Variants in INPP5A observed in about 807,000 individuals in gnomAD.
The protein encoded by INPP5A is inositol polyphosphate-5-phosphatase A.
Under a neutral mutation model 65.2 loss-of-function variants are expected in INPP5A, and 14 were observed. That is an observed-to-expected ratio of 0.21 (90% confidence interval 0.14 to 0.34). The LOEUF is 0.34. INPP5A is among the 10% of genes least tolerant of loss of function. The pLI is 1.00. For missense variants in INPP5A, 431 were observed against 545.6 expected (o/e 0.79, Z 2.09); for synonymous variants, 207 against 208.3 (o/e 0.99, Z 0.05).
rs1218574978 is a variant in INPP5A at position 132,707,511 on chromosome 10, A to G, written c.475-802A>G. Among the ~76,000 whole-genome samples, 2 of 152,208 alleles carry G rather than the reference A, an allele frequency of 1.3e-5. No homozygotes were observed. The highest frequency in any genetic ancestry group is 1.3e-4 in the Admixed American group (2 of 15,284). On this transcript the variant is annotated intron_variant, in intron 6 of 15. Coordinates refer to ENST00000368594, the MANE Select transcript of INPP5A (RefSeq NM_005539.5). This position sits in a 1 kb window ranked among gnomAD's most constrained non-coding sequence, Gnocchi z 5.5. ...GAAGATAAAATGGAATCTAAAATTC[A>G]GTTCTTCAGTCATACACTTTGCACG...
At chr10:132,774,826 G>T (rs1847018054) in intron 12 of INPP5A, among the ~76,000 whole-genome samples, 1 of 137,642 alleles carries the variant, frequency 7.3e-6, no homozygotes, top group Non-Finnish European at 1.6e-5. Flanking sequence ...GGAGAGAGGG[G>T]CACGGAGGAG....
chr10:132,770,085 G>A (rs529262657), intron 12 of INPP5A, among the ~76,000 whole-genome samples: 1 of 152,324 alleles, frequency 6.6e-6, no homozygotes, highest in African/African-American at 2.4e-5. Flanking sequence ...GCTGGCGAGG[G>A]CGGCGCCTCT....
At chr10:132,573,593 G>A (rs1293030343) in intron 1 of INPP5A, among the ~76,000 whole-genome samples, 3 of 135,662 alleles carry the variant, frequency 2.2e-5, no homozygotes, top group Non-Finnish European at 3.1e-5. Flanking sequence ...TGTGTGTGCC[G>A]TGTGAGGTTT....
At chr10:132,777,645 G>C in intron 12 of INPP5A, 26 bp from the exon 13 acceptor site, 2 of 1,605,664 alleles carry the variant, frequency 1.2e-6, no homozygotes, top group Non-Finnish European at 1.7e-6. Context: ...CCGGCCGGCT[G>C]ACCCTCTGCC....
intron 9 of INPP5A, among the ~76,000 whole-genome samples, chr10:132,737,017 C>T (rs747635073): frequency 1.3e-5 from 2 of 152,246 alleles, no homozygotes; most frequent in Non-Finnish European, 2.9e-5. Flanking sequence ...TCCCATCAGG[C>T]GTGACAGACA....
chr10:132,593,120 G>C (rs969778347), intron 1 of INPP5A, among the ~76,000 whole-genome samples: 1 of 152,160 alleles, frequency 6.6e-6, no homozygotes, highest in South Asian at 2.1e-4. Context: ...GTGGCTCTTC[G>C]ATAAGATGAG....
chr10:132,571,274 C>T lies in INPP5A; in HGVS notation c.75+33103C>T, dbSNP rs538159273. On this transcript the variant is annotated intron_variant, in intron 1 of 15. Transcript: ENST00000368594. ...AAGCAGCGAGGCCAGAGGCTCCTGC[C>T]GAGCAGAGGAGGAGGGCCATTGGCG... Among the ~76,000 whole-genome samples, 133 of 152,364 alleles carry T rather than the reference C, an allele frequency of 8.7e-4. 1 individual carries two copies. Among genetic ancestry groups the T allele is most frequent in the Admixed American group, 2.7e-3 (41 of 15,308 alleles).
Position 132,650,797 on chromosome 10 carries a change from A to T in INPP5A, c.306+292A>T, listed in dbSNP as rs1269132590. Among the ~76,000 whole-genome samples the T allele has an allele frequency of 6.6e-6, 1 of 152,114 alleles. No homozygotes were observed. The highest frequency in any genetic ancestry group is 1.5e-5 in the Non-Finnish European group (1 of 67,994). The stretch of plus-strand genomic sequence containing the variant: ...GGAGAGGCCCAGGGCCTCAGCGTGC[A>T]TGAAAATAAGAGGGAGTCCGGGGCT... On this transcript the variant is annotated intron_variant, in intron 4 of 15. Coordinates refer to ENST00000368594, the MANE Select transcript of INPP5A (RefSeq NM_005539.5). The surrounding 1 kb of genome is among the most constrained non-coding windows in gnomAD (Gnocchi z 5.5).
Position 132,587,535 on chromosome 10 carries a change from G to C in INPP5A, c.76-20380G>C, listed in dbSNP as rs1045075561. On this transcript the variant is annotated intron_variant, in intron 1 of 15. Transcript: ENST00000368594. This position sits in a 1 kb window ranked among gnomAD's most constrained non-coding sequence, Gnocchi z 4.3. ...CCTGTAACCAGAGCTGTTGGGACGC[G>C]GGGAGCAGGCGAAATTTCTGGGCCA... 3.3e-5 allele frequency among the ~76,000 whole-genome samples: 5 copies of C among 152,184 alleles called. 1 individual carries two copies. Among genetic ancestry groups the C allele is most frequent in the Admixed American group, 6.5e-5 (1 of 15,278 alleles).
intron 8 of INPP5A, among the ~76,000 whole-genome samples, chr10:132,712,650 G>A (rs1363306068): frequency 2.2e-4 from 33 of 151,666 alleles, no homozygotes; most frequent in Non-Finnish European, 1.5e-5. Context: ...GTGGGTGCAT[G>A]TGAGTGGGTA....
At chr10:132,612,800 G>T (rs891830441) in intron 2 of INPP5A, among the ~76,000 whole-genome samples, 3 of 152,222 alleles carry the variant, frequency 2.0e-5, no homozygotes, top group Non-Finnish European at 2.9e-5. Flanking sequence ...TCAAGCTTTT[G>T]TTTGTTTTCT....
intron 4 of INPP5A, among the ~76,000 whole-genome samples, chr10:132,670,852 T>C (rs562138766): frequency 8.7e-5 from 13 of 148,920 alleles, no homozygotes; most frequent in African/African-American, 3.3e-4. Context: ...TCTTTTTTTT[T>C]TTTTTTTTTT....
intron 11 of INPP5A, among the ~76,000 whole-genome samples, chr10:132,760,784 T>C (rs1412023066): frequency 1.3e-5 from 2 of 152,174 alleles, no homozygotes; most frequent in African/African-American, 4.8e-5. Flanking sequence ...GGGCCTGTCC[T>C]TCCTGGGCGG....
chr10:132,638,563 A>T lies in INPP5A; in HGVS notation c.118-7305A>T, dbSNP rs1489257677. Among the ~76,000 whole-genome samples the T allele has an allele frequency of 3.3e-5, 5 of 151,980 alleles. No individual in the cohort carries two copies. The East Asian group carries it at 9.7e-4, about 29-fold the overall frequency. ...TATTTGTAGCTCCCAATTTTATTTTATTTATTTATTTGTTTATTTTTTGAG... is the reference window on the plus strand; with the variant it reads ...TATTTGTAGCTCCCAATTTTATTTTTTTTATTTATTTGTTTATTTTTTGAG... On this transcript the variant is annotated intron_variant, in intron 2 of 15. Transcript: ENST00000368594.
intron 1 of INPP5A, among the ~76,000 whole-genome samples, chr10:132,548,039 A>T (rs1033228869): frequency 6.6e-6 from 1 of 151,970 alleles, no homozygotes; most frequent in Non-Finnish European, 1.5e-5. Context: ...AGCTGGGATT[A>T]CAGGCGTGCA....
intron 3 of INPP5A, among the ~76,000 whole-genome samples, chr10:132,649,207 C>T (rs550562070): frequency 4.6e-5 from 7 of 152,288 alleles, no homozygotes; most frequent in African/African-American, 9.6e-5. Context: ...TGTGTTTGTC[C>T]ACTCCTTCCA....
chr10:132,708,146 G>A (rs1277165724), intron 6 of INPP5A, among the ~76,000 whole-genome samples, 167 bp from the exon 7 acceptor site: 6 of 152,188 alleles, frequency 3.9e-5, no homozygotes, highest in African/African-American at 1.4e-4. Context: ...CCCCACTTGA[G>A]GATAGGTGCA....
At chr10:132,620,236 G>A (rs1169595370) in intron 2 of INPP5A, among the ~76,000 whole-genome samples, 1 of 152,204 alleles carries the variant, frequency 6.6e-6, no homozygotes, top group Non-Finnish European at 1.5e-5. Context: ...GTTGGCACTC[G>A]ACTCCTTTTT....
At chr10:132,607,054 C>T (rs533761826) in intron 1 of INPP5A, among the ~76,000 whole-genome samples, 3 of 152,152 alleles carry the variant, frequency 2.0e-5, no homozygotes, top group South Asian at 2.1e-4. Flanking sequence ...GCTGAGTGCT[C>T]GCGCTCAGCC....
Sources: allele counts gnomAD v4.1 joint callset (sites outside exome capture counted in the v4.1 genomes callset), GRCh38; gene constraint gnomAD v4.1.1; non-coding constraint Gnocchi (gnomAD v3.1); transcripts MANE v1.5; gene names NCBI Gene and HGNC (gene_info 2026-07-23, HGNC 2026-07-21).